The following CDC73 variants were observed in gnomAD, a reference collection of about 807,000 sequenced individuals.
CDC73 encodes the protein parafibromin.
A neutral mutation model predicts 83.7 loss-of-function variants in CDC73; 21 were observed. That is an observed-to-expected ratio of 0.25 (90% CI 0.18 to 0.36). CDC73 has a LOEUF of 0.36. CDC73 is among the 10% of genes least tolerant of loss of function. The pLI is 1.00. For missense variants in CDC73, 342 were observed against 653.3 expected, an observed-to-expected ratio of 0.52 and a Z score of 5.19; for synonymous variants, 224 against 212.9, an observed-to-expected ratio of 1.05 and a Z score of -0.45.
chr1:193,203,907 A>G (rs1184957496), intron 11 of CDC73, 55 bp downstream of exon 11: 19 of 1,370,904 alleles, frequency 1.4e-5, no homozygotes, highest in South Asian at 4.6e-5. Context: ...TAACAGTGCA[A>G]GTTTTTAGTA....
At chr1:193,149,601 G>C (rs1558288119) in intron 8 of CDC73, among the ~76,000 whole-genome samples, 1 of 152,108 alleles carries the variant, frequency 6.6e-6, no homozygotes, top group Admixed American at 6.5e-5. Context: ...TATATGCCTA[G>C]TGTGAAGTAA....
intron 13 of CDC73, among the ~76,000 whole-genome samples, chr1:193,222,183 C>T (rs1269777522): frequency 6.6e-6 from 1 of 151,944 alleles, no homozygotes; most frequent in Non-Finnish European, 1.5e-5. Context: ...TTAAAATAAA[C>T]GATTGGGTGT....
At chr1:193,250,284 T>C (rs973936482) in intron 16 of CDC73, among the ~76,000 whole-genome samples, 2 of 151,878 alleles carry the variant, frequency 1.3e-5, no homozygotes, top group Admixed American at 6.6e-5. Flanking sequence ...TAAAATTTAT[T>C]TTAATTACTA....
intron 10 of CDC73, among the ~76,000 whole-genome samples, chr1:193,171,456 T>C (rs1676517402): frequency 1.3e-5 from 2 of 152,172 alleles, no homozygotes; most frequent in South Asian, 2.1e-4. Flanking sequence ...GGGTTGTTGA[T>C]TGAATTCAGT....
At chr1:193,147,288 G>A (rs1372656058) in intron 7 of CDC73, among the ~76,000 whole-genome samples, 2 of 151,908 alleles carry the variant, frequency 1.3e-5, no homozygotes, top group East Asian at 3.9e-4. Flanking sequence ...CACCGTGCCC[G>A]GCCTTATTTA....
chr1:193,242,151 T>C (rs1381844553), intron 15 of CDC73, among the ~76,000 whole-genome samples: 1 of 152,072 alleles, frequency 6.6e-6, no homozygotes, highest in African/African-American at 2.4e-5. Context: ...CGACTTAGGG[T>C]GTAAGGACTC....
In CDC73 at chr1:193,210,536, A is replaced by G. The variant is rs535871016; in HGVS notation, c.1031-1529A>G. Among the ~76,000 whole-genome samples, 8 of 152,232 alleles carry G rather than the reference A, an allele frequency of 5.3e-5. No individual in the cohort carries two copies. In the East Asian group the frequency reaches 1.5e-3, roughly 29 times the overall value. On this transcript the variant is annotated intron_variant, in intron 11 of 16. Transcript: ENST00000367435. ...TGTATTCATCTTGTGTTAGGTTATT[A>G]TTACCATTATGTCAACAAATATTTC...
chr1:193,205,368 T>C (rs1373640195), intron 11 of CDC73, among the ~76,000 whole-genome samples: 1 of 152,156 alleles, frequency 6.6e-6, no homozygotes, highest in Non-Finnish European at 1.5e-5. Context: ...GTACACAGGC[T>C]AATTCTAAAA....
intron 10 of CDC73, among the ~76,000 whole-genome samples, chr1:193,177,327 A>T (rs895626973): frequency 4.4e-5 from 6 of 135,902 alleles, no homozygotes; most frequent in African/African-American, 1.4e-4. Flanking sequence ...GTCCTGGCTA[A>T]CACGGTGAAA....
rs935384550 is a variant in CDC73, at chr1:193,125,099, T to G, written c.132-13T>G. ...AATTGTCAGTAAAAAAAATCTTGCC[T>G]TAATTATTTCAGGACTGGAAAGGAA... is the stretch of plus-strand genomic sequence containing the variant. On this transcript the variant is annotated splice_polypyrimidine_tract_variant and intron_variant, in intron 1 of 16. Coordinates refer to ENST00000367435, the MANE Select transcript of CDC73 (RefSeq NM_024529.5). 6.5e-6 allele frequency: 9 copies of G among 1,384,260 alleles called. No individual in the cohort carries two copies. The highest frequency in any genetic ancestry group is 9.3e-6 in the Non-Finnish European group (9 of 970,162). 85.7% of individuals were successfully genotyped at this position (1,384,260 alleles called of 1,614,324 possible).
Position 193,253,663 on chromosome 1 carries a change from CAACT to C in CDC73, c.*2954_*2957del, listed in dbSNP as rs1423254102. On this transcript the variant is annotated 3_prime_UTR_variant, in exon 17 of 17. Transcript: ENST00000367435. ...AGCACAACAGTAATCCATATAAAAACAACTAATTCATAATGAGGAAAATCTCATA... is the reference window on the plus strand; with the variant it reads ...AGCACAACAGTAATCCATATAAAAACAATTCATAATGAGGAAAATCTCATA... The C allele has an allele frequency of 1.3e-5, 3 of 231,438 alleles. No homozygotes were observed. The highest frequency in any genetic ancestry group is 2.6e-5 in the Non-Finnish European group (3 of 117,118). The allele number at this position is 231,438 out of a possible 1,614,324, so 14.3% of individuals were successfully genotyped here.
chr1:193,141,222 A>G (rs2103125779), intron 6 of CDC73: 1 of 152,430 alleles, frequency 6.6e-6, no homozygotes, highest in Middle Eastern at 3.4e-3. Context: ...TTTATGACGT[A>G]TACTTTCAGT....
intron 10 of CDC73, among the ~76,000 whole-genome samples, chr1:193,182,955 A>G (rs1676742588): frequency 6.6e-6 from 1 of 152,188 alleles, no homozygotes; most frequent in South Asian, 2.1e-4. Context: ...AAAAGTTTTA[A>G]TACAGGAGCA....
chr1:193,216,554 C>T (rs1267795095), intron 13 of CDC73, among the ~76,000 whole-genome samples: 1 of 151,914 alleles, frequency 6.6e-6, no homozygotes, highest in African/African-American at 2.4e-5. Flanking sequence ...TGAAATCGCC[C>T]CAAAAAATCA....
At chr1:193,228,523 G>A (rs1027557718) in intron 13 of CDC73, among the ~76,000 whole-genome samples, 1 of 152,136 alleles carries the variant, frequency 6.6e-6, no homozygotes, top group Non-Finnish European at 1.5e-5. Flanking sequence ...TTGCTTAAAT[G>A]GGGCTATACT....
intron 8 of CDC73, among the ~76,000 whole-genome samples, chr1:193,148,477 G>A (rs533832155): frequency 1.3e-5 from 2 of 151,950 alleles, no homozygotes; most frequent in Admixed American, 6.6e-5. Context: ...TAAATTTCAC[G>A]TATGACATAT....
intron 1 of CDC73, chr1:193,122,697 C>T (rs1012083035): frequency 1.1e-5 from 2 of 183,264 alleles, no homozygotes; most frequent in East Asian, 1.3e-4. Flanking sequence ...CCGTAGACGC[C>T]TCTTTTTGTT....
In CDC73 at chr1:193,250,944, T is replaced by C; in HGVS notation, c.*232T>C. 1.9e-6 allele frequency: 1 copy of C among 519,388 alleles called. No individual in the cohort carries two copies. The allele number at this position is 519,388 out of a possible 1,614,324, so 32.2% of individuals were successfully genotyped here. ...AAATTGTATATTTTGATAGAAGTTT[T>C]TTCTCCATTGGTTAAATTAGCATTA... On this transcript the variant is annotated 3_prime_UTR_variant, in exon 17 of 17. Coordinates refer to ENST00000367435, the MANE Select transcript of CDC73 (RefSeq NM_024529.5).
At chr1:193,248,133 T>C (rs1441545410) in intron 15 of CDC73, among the ~76,000 whole-genome samples, 1 of 152,090 alleles carries the variant, frequency 6.6e-6, no homozygotes, top group Non-Finnish European at 1.5e-5. Context: ...TAGGGGCTAA[T>C]ACAGATGGGG....
Sources: allele counts gnomAD v4.1 joint callset (sites outside exome capture counted in the v4.1 genomes callset), GRCh38; gene constraint gnomAD v4.1.1; transcripts MANE v1.5; gene names NCBI Gene and HGNC (gene_info 2026-07-23, HGNC 2026-07-21).